Variants in CEACAM7 observed in about 807,000 individuals in gnomAD.
CEACAM7 encodes cell adhesion molecule CEACAM7.
In CEACAM7, 24 loss-of-function variants were observed where a neutral mutation model predicts 25.7. The ratio of observed to expected loss-of-function variants is 0.93; its 90% CI spans 0.68 to 1.31. CEACAM7 has a LOEUF of 1.31. Ranked by LOEUF, CEACAM7 falls within the 40% of genes most tolerant of loss-of-function variation. The pLI is 0.00. For synonymous variants in CEACAM7, 144 were observed against 129.4 expected (o/e 1.11, Z -0.77); for missense variants, 324 against 330.1 (o/e 0.98, Z 0.14).
chr19:41,686,563 A>G (rs1407851366), intron 2 of CEACAM7, among the ~76,000 whole-genome samples: 4 of 152,108 alleles, frequency 2.6e-5, no homozygotes, highest in African/African-American at 9.7e-5. Context: ...CCAGTTCTCC[A>G]GGGTCTTTTT....
At chr19:41,682,342 C>G (rs2072183917) in intron 3 of CEACAM7, among the ~76,000 whole-genome samples, 1 of 152,142 alleles carries the variant, frequency 6.6e-6, no homozygotes, top group African/African-American at 2.4e-5. Context: ...GCTATAAATA[C>G]ACACTTTGTG....
rs781830980 is a variant in CEACAM7, at chr19:41,683,796, AGGGTGACT to A, written c.687_694del (p.Val230GlufsTer5). The stretch of plus-strand genomic sequence containing the variant: ...CAGAAGATACTCACAGCGGACATTC[AGGGTGACT>A]GGGTCACTGCGGCTGGCACCCACTG... On this transcript the variant is annotated frameshift_variant, in exon 3 of 5. Transcript: ENST00000401731. LOFTEE classifies it high-confidence loss of function. 1.9e-6 allele frequency: 3 copies of A among 1,614,022 alleles called. No individual in the cohort carries two copies. The African/African-American group carries it at 4.0e-5, about 22-fold the overall frequency.
chr19:41,676,566 G>T (rs1236208952), intron 4 of CEACAM7, among the ~76,000 whole-genome samples: 6 of 152,156 alleles, frequency 3.9e-5, no homozygotes. Flanking sequence ...GTTCCCTGGA[G>T]TAGGGACCTT....
chr19:41,686,030 C>A (rs2122732663), intron 2 of CEACAM7, among the ~76,000 whole-genome samples: 1 of 152,214 alleles, frequency 6.6e-6, no homozygotes, highest in East Asian at 1.9e-4. Flanking sequence ...GTGAATTTAC[C>A]TTAAAATAAT....
At chr19:41,676,688 G>A (rs772707665) in intron 4 of CEACAM7, among the ~76,000 whole-genome samples, 2 of 152,312 alleles carry the variant, frequency 1.3e-5, no homozygotes, top group Admixed American at 6.5e-5. Context: ...TAATGCTACC[G>A]TCTTTGTCCT....
chr19:41,684,900 G>A (rs1860330), intron 2 of CEACAM7, among the ~76,000 whole-genome samples: 2,251 of 152,302 alleles, frequency 0.015, 40 homozygotes, highest in Admixed American at 0.058. Context: ...CTCGACCTAC[G>A]GAAACACAAC....
chr19:41,677,329 G>T lies in CEACAM7; in HGVS notation c.*36+47C>A, dbSNP rs2072124188. 2.9e-6 allele frequency: 3 copies of T among 1,027,056 alleles called. No individual in the cohort carries two copies. In the Admixed American group the frequency reaches 5.3e-5, roughly 18 times the overall value. 63.6% of individuals were successfully genotyped at this position (1,027,056 alleles called of 1,614,324 possible). A position where few individuals can be genotyped will look rare whatever the true frequency, so the allele number is the denominator to read the frequency against. ...TCCTTTCCCTCTCCCAAGCATGGCA[G>T]TCAGCCCTGCAGGAAATAGGATAAG... On this transcript the variant is annotated intron_variant, in intron 4 of 4. Coordinates refer to ENST00000401731, the MANE Select transcript of CEACAM7 (RefSeq NM_001291485.2).
At chr19:41,675,297 A>G (rs529864154) in intron 4 of CEACAM7, among the ~76,000 whole-genome samples, 16 of 152,334 alleles carry the variant, frequency 1.1e-4, no homozygotes, top group African/African-American at 3.8e-4. Flanking sequence ...TAATGTTTCA[A>G]TTTTTGTTCA....
intron 3 of CEACAM7, among the ~76,000 whole-genome samples, chr19:41,679,299 G>A (rs2072148533): frequency 6.6e-6 from 1 of 152,250 alleles, no homozygotes; most frequent in Non-Finnish European, 1.5e-5. Flanking sequence ...ATGGAACCAT[G>A]AAGAAACAGA....
At chr19:41,681,088 C>A (rs2072170532) in intron 3 of CEACAM7, among the ~76,000 whole-genome samples, 1 of 151,814 alleles carries the variant, frequency 6.6e-6, no homozygotes, top group Non-Finnish European at 1.5e-5. Context: ...ACCCAGAAAC[C>A]CAATTTAAAA....
At chr19:41,683,752 A>G in intron 3 of CEACAM7, 33 bp downstream of exon 3, 1 of 1,610,978 alleles carries the variant, frequency 6.2e-7, no homozygotes, top group Non-Finnish European at 8.5e-7. Context: ...TTGGGCTGTC[A>G]GCCTGGGCCA....
rs781846654 is a variant in CEACAM7, at chr19:41,687,228, G to T, written c.65-7C>A. 6.3e-7 allele frequency: 1 copy of T among 1,584,998 alleles called. No homozygotes were observed. Among genetic ancestry groups the T allele is most frequent in the Non-Finnish European group, 8.6e-7 (1 of 1,165,104 alleles). On this transcript the variant is annotated splice_polypyrimidine_tract_variant and splice_region_variant and intron_variant, in intron 1 of 4. Coordinates refer to ENST00000401731, the MANE Select transcript of CEACAM7 (RefSeq NM_001291485.2). ...CAGAAGGTTAAAAGCGAGGCTAGGA[G>T]GGGGAGAGAACATCAGTCAATATTG...
intron 2 of CEACAM7, among the ~76,000 whole-genome samples, chr19:41,685,411 C>A (rs781932917): frequency 6.6e-6 from 1 of 151,932 alleles, no homozygotes; most frequent in Non-Finnish European, 1.5e-5. Flanking sequence ...ACTGGGGTGG[C>A]TTTAGGGGCA....
At chr19:41,682,384 G>A (rs1007943810) in intron 3 of CEACAM7, among the ~76,000 whole-genome samples, 17 of 152,092 alleles carry the variant, frequency 1.1e-4, no homozygotes, top group African/African-American at 3.6e-4. Flanking sequence ...GCAGAGTCCC[G>A]GTGGCTGAAT....
intron 4 of CEACAM7, 132 bp downstream of exon 4, chr19:41,677,244 T>A (rs1163288209): frequency 1.8e-6 from 1 of 569,910 alleles, no homozygotes; most frequent in East Asian, 2.8e-5. Context: ...GAATTAGTGC[T>A]TAGAAGCAGG....
chr19:41,677,619 T>A (rs2072128730), intron 3 of CEACAM7, 116 bp from the exon 4 acceptor site: 1 of 661,706 alleles, frequency 1.5e-6, no homozygotes, highest in Non-Finnish European at 2.6e-6. Context: ...GAATACATTA[T>A]TTTTGTGGGA....
chr19:41,683,804 T>G lies in CEACAM7; in HGVS notation c.687A>C (p.Pro229=). ...QNPVGASRSD[P]VTLNVRYESV... ...ACTCACAGCGGACATTCAGGGTGAC[T>G]GGGTCACTGCGGCTGGCACCCACTG... The change falls in exon 3 of 5, where the codon CCA becomes CCC. Residue 229 remains proline, a synonymous_variant. Transcript: ENST00000401731. 1 of 1,614,168 alleles carries G rather than the reference T, an allele frequency of 6.2e-7. No homozygotes were observed. Among genetic ancestry groups the G allele is most frequent in the Non-Finnish European group, 8.5e-7 (1 of 1,180,008 alleles).
chr19:41,675,243 T>C (rs1467957844), intron 4 of CEACAM7, among the ~76,000 whole-genome samples: 2 of 152,216 alleles, frequency 1.3e-5, no homozygotes, highest in Non-Finnish European at 2.9e-5. Flanking sequence ...TGAACACCCA[T>C]GAATAGTTGC....
chr19:41,687,040 A>G lies in CEACAM7; in HGVS notation c.246T>C (p.Tyr82=). The change falls in exon 2 of 5, where the codon TAT becomes TAC. Residue 82 remains tyrosine (Y), a synonymous_variant. Coordinates refer to ENST00000401731, the MANE Select transcript of CEACAM7 (RefSeq NM_001291485.2). ...RVHANYRIIG[Y]VKNISQENAP... is the part of the protein sequence containing the mutation. Reference sequence around the variant, plus strand: ...CATTTTCTTGACTTATATTTTTTACATATCCTATAATTCGATAGTTGGCAT... The same window carrying G: ...CATTTTCTTGACTTATATTTTTTACGTATCCTATAATTCGATAGTTGGCAT... 6.2e-7 allele frequency: 1 copy of G among 1,613,932 alleles called. No homozygotes were observed. Among genetic ancestry groups the G allele is most frequent in the Non-Finnish European group, 8.5e-7 (1 of 1,179,950 alleles).
Sources: gnomAD v4.1 joint callset for allele counts (sites outside exome capture counted in the v4.1 genomes callset) on GRCh38, gnomAD v4.1.1 for gene constraint, MANE v1.5 for transcripts, NCBI Gene and HGNC (gene_info 2026-07-23, HGNC 2026-07-21) for gene names.